Variants in BLTP1 observed in about 807,000 individuals in gnomAD.
The protein encoded by BLTP1 is bridge-like lipid transfer protein family member 1.
chr4:122,308,662 A>C, the BLTP1 span, among the ~76,000 whole-genome samples: 1 of 152,100 alleles, frequency 6.6e-6, no homozygotes, highest in Non-Finnish European at 1.5e-5. Context: ...TTGCAACTTA[A>C]GACCAATTTT....
the BLTP1 span, among the ~76,000 whole-genome samples, chr4:122,218,710 A>G: frequency 1.1e-4 from 16 of 152,332 alleles, no homozygotes; most frequent in Admixed American, 9.8e-4. Context: ...AATAAATTAA[A>G]TTGAAGCTAA....
the BLTP1 span, chr4:122,226,882 T>TA: frequency 1.4e-6 from 2 of 1,439,902 alleles, no homozygotes; most frequent in Middle Eastern, 1.8e-4. Context: ...TTATGAATTT[T>TA]AAAAAATGGA....
At chr4:122,336,788 C>A in the BLTP1 span, 2 of 1,355,044 alleles carry the variant, frequency 1.5e-6, no homozygotes, top group Non-Finnish European at 9.9e-7. Context: ...GTGTTCATAC[C>A]TTTCATCTCA....
At chr4:122,152,609 G>A in the BLTP1 span, 22 of 985,438 alleles carry the variant, frequency 2.2e-5, no homozygotes, top group Admixed American at 7.4e-4. Context: ...CGGGCCAGAC[G>A]GGGTTGAGGT....
the BLTP1 span, chr4:122,334,556 A>C: frequency 6.2e-7 from 1 of 1,602,908 alleles, no homozygotes; most frequent in South Asian, 1.1e-5. Flanking sequence ...GTATTTAAGG[A>C]GTATATACTT....
the BLTP1 span, chr4:122,344,269 A>G: frequency 8.4e-7 from 1 of 1,185,108 alleles, no homozygotes; most frequent in Non-Finnish European, 1.1e-6. Context: ...ACCTCAAGTG[A>G]TTTTAATTCA....
At chr4:122,309,390 G>A in the BLTP1 span, 5 of 1,613,324 alleles carry the variant, frequency 3.1e-6, no homozygotes, top group Admixed American at 6.7e-5. Context: ...TTTTGTATCC[G>A]TTTTGCTGAT....
At chr4:122,299,978 C>T in the BLTP1 span, 1 of 956,114 alleles carries the variant, frequency 1.0e-6, no homozygotes, top group South Asian at 4.9e-5. Context: ...TACAAAGACA[C>T]ATATAGTTTA....
At chr4:122,221,175 A>G in the BLTP1 span, 3 of 305,854 alleles carry the variant, frequency 9.8e-6, no homozygotes, top group East Asian at 1.7e-4. Flanking sequence ...GAAATCATCA[A>G]TGAATGATCA....
chr4:122,171,812 A>G, the BLTP1 span: 1 of 984,688 alleles, frequency 1.0e-6, no homozygotes, highest in Admixed American at 6.1e-5. Flanking sequence ...AAAAACAACA[A>G]TAACAAGCAG....
the BLTP1 span, chr4:122,346,527 A>ATAATTCAGCTGTG: frequency 5.3e-4 from 780 of 1,467,668 alleles, 4 homozygotes; most frequent in African/African-American, 9.1e-3. Flanking sequence ...TAACTTAAGT[A>ATAATTCAGCTGTG]TAATTCAGCT....
the BLTP1 span, chr4:122,268,912 T>C: frequency 6.5e-6 from 1 of 153,194 alleles, no homozygotes; most frequent in Admixed American, 6.5e-5. Context: ...TACTGACTTG[T>C]GGGCTGAAGA....
the BLTP1 span, chr4:122,262,705 A>G: frequency 2.6e-6 from 4 of 1,510,020 alleles, no homozygotes; most frequent in African/African-American, 2.8e-5. Context: ...TAGTGGTTGT[A>G]GTTATCAGCT....
At chr4:122,184,987 A>G in the BLTP1 span, 41 of 984,246 alleles carry the variant, frequency 4.2e-5, no homozygotes, top group Non-Finnish European at 4.7e-5. Flanking sequence ...AGTATATCAT[A>G]TAGTATAGAA....
chr4:122,325,215 T>A, the BLTP1 span: 1 of 1,585,354 alleles, frequency 6.3e-7, no homozygotes, highest in Non-Finnish European at 8.6e-7. Flanking sequence ...TTTATAACTT[T>A]ATATTTACTT....
chr4:122,195,341 T>C, the BLTP1 span, among the ~76,000 whole-genome samples: 12 of 152,362 alleles, frequency 7.9e-5, no homozygotes, highest in Non-Finnish European at 1.5e-4. Flanking sequence ...TGAATTTTCA[T>C]GACAGAGTTG....
the BLTP1 span, chr4:122,203,821 A>G: frequency 0.022 from 11,351 of 524,922 alleles, 170 homozygotes; most frequent in Middle Eastern, 0.067. Flanking sequence ...GAAATAGACT[A>G]ATAGCTGCAA....
At chr4:122,167,631 C>G in the BLTP1 span, 1 of 984,630 alleles carries the variant, frequency 1.0e-6, no homozygotes, top group Non-Finnish European at 1.2e-6. Flanking sequence ...CTAACTTCTC[C>G]CCTACAAGTG....
chr4:122,227,474 G>A, the BLTP1 span: 2 of 985,308 alleles, frequency 2.0e-6, no homozygotes, highest in Non-Finnish European at 2.4e-6. Flanking sequence ...GATTTTGGAA[G>A]CATGGTTATT....
Sources: allele counts gnomAD v4.1 joint callset (sites outside exome capture counted in the v4.1 genomes callset), GRCh38; gene constraint gnomAD v4.1.1; transcripts MANE v1.5; gene names NCBI Gene and HGNC (gene_info 2026-07-23, HGNC 2026-07-21).